The following CELF2 variants were observed in gnomAD, a reference collection of about 807,000 sequenced individuals.
The protein encoded by CELF2 is CUG triplet repeat RNA-binding protein 2.
CELF2 carries 8 observed loss-of-function variants against 62.6 expected under a neutral mutation model. The ratio of observed to expected loss-of-function variants is 0.13; its 90% CI spans 0.07 to 0.23. The LOEUF (loss-of-function observed/expected upper bound fraction) is 0.23, where lower values mean the gene tolerates loss of function less well. Ranked by LOEUF, CELF2 falls within the 10% of genes least tolerant of loss-of-function variation. The probability of loss-of-function intolerance (pLI) is 1.00; values close to 1 mark genes in which losing one functional copy is unlikely to be tolerated. For synonymous variants in CELF2, 258 were observed against 250.0 expected, an observed-to-expected ratio of 1.03 and a Z score of -0.30; for missense variants, 333 against 671.0, an observed-to-expected ratio of 0.50 and a Z score of 5.56.
rs1327816073 is a variant in CELF2 at position 11,280,334 on chromosome 10, T to C, written c.841+5214T>C. Among the ~76,000 whole-genome samples the C allele has an allele frequency of 2.0e-5, 3 of 152,170 alleles. No homozygotes were observed. Among genetic ancestry groups the C allele is most frequent in the Non-Finnish European group, 4.4e-5 (3 of 68,008 alleles). On this transcript the variant is annotated intron_variant, in intron 8 of 12. Transcript: ENST00000633077. This position sits in a 1 kb window ranked among gnomAD's most constrained non-coding sequence, Gnocchi z 7.6. ...TGACACCTGTGCCCGAGAAGCCTAGTCCGGCTAAGAAGGGAGAGGGAACCT... is the reference window on the plus strand; with the variant it reads ...TGACACCTGTGCCCGAGAAGCCTAGCCCGGCTAAGAAGGGAGAGGGAACCT...
At chr10:11,062,181 G>A (rs929637411) in intron 1 of CELF2, among the ~76,000 whole-genome samples, 1 of 152,186 alleles carries the variant, frequency 6.6e-6, no homozygotes, top group African/African-American at 2.4e-5. Flanking sequence ...CCAGATATTA[G>A]TGCTCATTGG....
At chr10:10,994,867 A>G (rs2053792395) in intron 2 of CELF2, among the ~76,000 whole-genome samples, 1 of 151,832 alleles carries the variant, frequency 6.6e-6, no homozygotes, top group Non-Finnish European at 1.5e-5. Flanking sequence ...GCTTTCTTTT[A>G]CTGTCTCTCA....
At position 11,290,887 on chromosome 10, in the gene CELF2, T is replaced by A. The variant is rs948300357; in HGVS notation, c.976+2335T>A. Among the ~76,000 whole-genome samples, 4 of 152,252 alleles carry A rather than the reference T, an allele frequency of 2.6e-5. No individual in the cohort carries two copies. Among genetic ancestry groups the A allele is most frequent in the Non-Finnish European group, 5.9e-5 (4 of 68,050 alleles). On this transcript the variant is annotated intron_variant, in intron 9 of 12. Transcript: ENST00000633077. The surrounding 1 kb of genome is among the most constrained non-coding windows in gnomAD (Gnocchi z 4.3). ...TGATTGAAATCTACATTTCAATTAT[T>A]TTTCTTAAGTGTAACTAAAAAATCT...
rs2082524918 is a variant in CELF2, at chr10:11,267,642, C to T, written c.618+965C>T. On this transcript the variant is annotated intron_variant, in intron 6 of 12. Coordinates refer to ENST00000633077, the MANE Select transcript of CELF2 (RefSeq NM_001326342.2). This position sits in a 1 kb window ranked among gnomAD's most constrained non-coding sequence, Gnocchi z 4.4. ...GCAAAAAACTTTTTTCTTGATTGAG[C>T]TTCTGTTTTCCCCCCATTTTGTTGG... Among the ~76,000 whole-genome samples the T allele has an allele frequency of 6.6e-6, 1 of 152,030 alleles. No homozygotes were observed. Among genetic ancestry groups the T allele is most frequent in the South Asian group, 2.1e-4 (1 of 4,818 alleles).
the CELF2 span, among the ~76,000 whole-genome samples, chr10:10,704,321 G>A: frequency 6.6e-6 from 1 of 151,742 alleles, no homozygotes; most frequent in Non-Finnish European, 1.5e-5. Flanking sequence ...TTTTCTGTCT[G>A]TTTGCATACC....
rs2072062562 is a variant in CELF2, at chr10:11,237,755, A to AATTC, written c.355-11397_355-11396insTTCA. On this transcript the variant is annotated intron_variant, in intron 3 of 12. Transcript: ENST00000633077. This position sits in a 1 kb window ranked among gnomAD's most constrained non-coding sequence, Gnocchi z 4.0. ...ACAGCTGGCACTGGGGAGGGCACCG[A>AATTC]AGGCTGAGGGAGCACTGAGGCCCCA... 1.8e-5 allele frequency among the ~76,000 whole-genome samples: 2 copies of AATTC among 113,530 alleles called. No individual in the cohort carries two copies. Among genetic ancestry groups the AATTC allele is most frequent in the Admixed American group, 1.6e-4 (2 of 12,134 alleles). 74.5% of individuals were successfully genotyped at this position (113,530 alleles called of 152,430 possible). A position where few individuals can be genotyped will look rare whatever the true frequency, so the allele number is the denominator to read the frequency against.
intron 1 of CELF2, among the ~76,000 whole-genome samples, chr10:11,070,678 C>CA (rs1379821365): frequency 1.3e-5 from 2 of 152,008 alleles, no homozygotes; most frequent in Non-Finnish European, 2.9e-5. Flanking sequence ...CTGGGACCAA[C>CA]AATACTTTGT....
the CELF2 span, among the ~76,000 whole-genome samples, chr10:10,649,294 T>C: frequency 6.6e-6 from 1 of 152,168 alleles, no homozygotes; most frequent in Non-Finnish European, 1.5e-5. Context: ...AAAACATAGG[T>C]CCTTTATTCT....
At chr10:10,869,216 A>T (rs1245633426) in intron 1 of CELF2, among the ~76,000 whole-genome samples, 1 of 152,172 alleles carries the variant, frequency 6.6e-6, no homozygotes, top group East Asian at 1.9e-4. Flanking sequence ...AATATCACGT[A>T]TTTGATTTCT....
chr10:10,827,977 A>G (rs2057530231), intron 1 of CELF2, among the ~76,000 whole-genome samples: 1 of 138,284 alleles, frequency 7.2e-6, no homozygotes, highest in Non-Finnish European at 1.5e-5. Flanking sequence ...ATACCACATC[A>G]TACCCGTCAG....
At chr10:10,651,626 G>A in the CELF2 span, among the ~76,000 whole-genome samples, 14 of 144,260 alleles carry the variant, frequency 9.7e-5, no homozygotes, top group Non-Finnish European at 1.5e-4. Context: ...CACCTCACAC[G>A]GCAGGGTATT....
intron 2 of CELF2, among the ~76,000 whole-genome samples, chr10:10,958,531 C>T (rs771617698): frequency 1.5e-4 from 23 of 152,210 alleles, no homozygotes; most frequent in Non-Finnish European, 2.6e-4. Flanking sequence ...TGGAGGCATC[C>T]TCTCGTGTTC....
the CELF2 span, among the ~76,000 whole-genome samples, chr10:10,725,772 C>T: frequency 1.3e-5 from 2 of 152,090 alleles, no homozygotes; most frequent in South Asian, 4.1e-4. Context: ...GAACGATATT[C>T]GGGTTGCCTG....
intron 3 of CELF2, among the ~76,000 whole-genome samples, chr10:11,240,461 C>G (rs1220516165): frequency 6.6e-6 from 1 of 152,240 alleles, no homozygotes; most frequent in Non-Finnish European, 1.5e-5. Flanking sequence ...TAGAACATTT[C>G]AGACAGCTGG....
chr10:11,238,815 G>C (rs1306853218), intron 3 of CELF2, among the ~76,000 whole-genome samples: 2 of 152,288 alleles, frequency 1.3e-5, no homozygotes, highest in East Asian at 1.9e-4. Context: ...TTTGATCATA[G>C]CTGTTATTTT....
chr10:10,873,432 T>A (rs76898047), intron 1 of CELF2, among the ~76,000 whole-genome samples: 114 of 152,322 alleles, frequency 7.5e-4, no homozygotes, highest in African/African-American at 2.7e-3. Flanking sequence ...TTTGCTTTGA[T>A]AAGCAAACAG....
At chr10:11,259,388 C>T (rs372005513) in intron 5 of CELF2, among the ~76,000 whole-genome samples, 6 of 148,946 alleles carry the variant, frequency 4.0e-5, no homozygotes, top group East Asian at 2.0e-4. Context: ...GGTGGAACCA[C>T]GCCAAGCTTT....
chr10:10,823,140 A>C (rs577760735), intron 1 of CELF2, among the ~76,000 whole-genome samples: 1 of 152,360 alleles, frequency 6.6e-6, no homozygotes, highest in South Asian at 2.1e-4. Context: ...AAAAAATCAC[A>C]ATTAGAAAGG....
chr10:10,601,062 C>T, the CELF2 span, among the ~76,000 whole-genome samples: 5 of 152,118 alleles, frequency 3.3e-5, no homozygotes, highest in East Asian at 1.9e-4. Flanking sequence ...ACAGCCAGAC[C>T]GGAAGAAAGC....
Sources: allele counts gnomAD v4.1 joint callset (sites outside exome capture counted in the v4.1 genomes callset), GRCh38; gene constraint gnomAD v4.1.1; non-coding constraint Gnocchi (gnomAD v3.1); transcripts MANE v1.5; gene names NCBI Gene and HGNC (gene_info 2026-07-23, HGNC 2026-07-21).